Variants in EYS observed in about 807,000 individuals in gnomAD.
EYS encodes the protein protein eyes shut homolog.
A neutral mutation model predicts 282.1 loss-of-function variants in EYS; 250 were observed. The ratio of observed to expected loss-of-function variants is 0.89; its 90% CI spans 0.80 to 0.98. The LOEUF is 0.98. Among genes scored for constraint, EYS ranks in the 50% least tolerant of loss-of-function variants. The probability of loss-of-function intolerance (pLI) is 0.00; values close to 1 mark genes in which losing one functional copy is unlikely to be tolerated. For synonymous variants in EYS, 1,355 were observed against 1,282.9 expected, an observed-to-expected ratio of 1.06 and a Z score of -1.20; for missense variants, 4,016 against 3,709.0, an observed-to-expected ratio of 1.08 and a Z score of -2.15.
intron 31 of EYS, among the ~76,000 whole-genome samples, chr6:64,104,611 TAGTC>T (rs201189077): frequency 0.019 from 2,843 of 152,166 alleles, 78 homozygotes; most frequent in African/African-American, 0.064. Context: ...CTTACTATAG[TAGTC>T]AGTTCAAAGC....
intron 12 of EYS, among the ~76,000 whole-genome samples, chr6:65,208,890 A>C (rs1411523429): frequency 6.6e-6 from 1 of 151,834 alleles, no homozygotes; most frequent in Non-Finnish European, 1.5e-5. Context: ...CCTCACCCTT[A>C]TGCAATACAT....
intron 12 of EYS, among the ~76,000 whole-genome samples, chr6:65,094,745 A>G (rs1206931538): frequency 6.6e-6 from 1 of 151,244 alleles, no homozygotes; most frequent in African/African-American, 2.4e-5. Context: ...AGGGAAGTTT[A>G]TAGTTATAAA....
chr6:65,222,636 G>A (rs1019334168), intron 12 of EYS, among the ~76,000 whole-genome samples: 6 of 152,094 alleles, frequency 3.9e-5, no homozygotes, highest in African/African-American at 7.2e-5. Context: ...AGAATCAAAC[G>A]GAAATATAAC....
At chr6:65,272,880 G>A (rs1767942543) in intron 12 of EYS, among the ~76,000 whole-genome samples, 1 of 152,120 alleles carries the variant, frequency 6.6e-6, no homozygotes, top group African/African-American at 2.4e-5. Flanking sequence ...AGATGAATAA[G>A]ATTAAGATTA....
intron 15 of EYS, among the ~76,000 whole-genome samples, chr6:64,929,910 G>C (rs1276810789): frequency 1.3e-5 from 2 of 152,010 alleles, no homozygotes; most frequent in Non-Finnish European, 2.9e-5. Context: ...TGTGATTTCT[G>C]CATAAGTTAC....
At chr6:65,587,365 AC>A (rs1368588318) in intron 2 of EYS, among the ~76,000 whole-genome samples, 3 of 151,954 alleles carry the variant, frequency 2.0e-5, no homozygotes, top group Non-Finnish European at 4.4e-5. Flanking sequence ...CGTGAGAGGG[AC>A]CCCATGGGAG....
chr6:64,185,118 C>T (rs937326957), intron 31 of EYS, among the ~76,000 whole-genome samples: 1 of 152,106 alleles, frequency 6.6e-6, no homozygotes, highest in Non-Finnish European at 1.5e-5. Flanking sequence ...CTTCACTAGA[C>T]ACCAAATCTG....
At chr6:65,067,631 A>G (rs1036714151) in intron 12 of EYS, among the ~76,000 whole-genome samples, 1 of 152,074 alleles carries the variant, frequency 6.6e-6, no homozygotes, top group Non-Finnish European at 1.5e-5. Context: ...ATAATTAACT[A>G]CTAGGAGGAG....
At chr6:65,384,304 T>C (rs1357333736) in intron 8 of EYS, 82 bp downstream of exon 8, 4 of 774,132 alleles carry the variant, frequency 5.2e-6, no homozygotes, top group Non-Finnish European at 9.1e-6. Flanking sequence ...CTAAGATTAA[T>C]AAGAGCATTT....
At chr6:65,263,703 C>CTGTGTG (rs3042394) in intron 12 of EYS, among the ~76,000 whole-genome samples, 8,296 of 141,328 alleles carry the variant, frequency 0.059, 269 homozygotes, top group Middle Eastern at 0.071. Context: ...CAAGGCAAAG[C>CTGTGTG]TGTGTGTGTG....
intron 12 of EYS, among the ~76,000 whole-genome samples, chr6:65,195,292 T>C (rs1765737470): frequency 6.6e-6 from 1 of 152,078 alleles, no homozygotes; most frequent in Non-Finnish European, 1.5e-5. Context: ...TGTAAGTTAT[T>C]CTTCTGGATA....
At chr6:64,098,243 AATAAG>A (rs1469643027) in intron 31 of EYS, among the ~76,000 whole-genome samples, 6 of 152,194 alleles carry the variant, frequency 3.9e-5, no homozygotes, top group African/African-American at 9.7e-5. Flanking sequence ...TGTACTATAA[AATAAG>A]AAAGACAAAT....
At chr6:65,540,610 A>G (rs1562248463) in intron 2 of EYS, among the ~76,000 whole-genome samples, 1 of 152,196 alleles carries the variant, frequency 6.6e-6, no homozygotes, top group Non-Finnish European at 1.5e-5. Flanking sequence ...GTAGGAAGCA[A>G]TATTCTTTTA....
chr6:65,182,901 AC>A (rs1224553130), intron 12 of EYS, among the ~76,000 whole-genome samples: 1 of 151,620 alleles, frequency 6.6e-6, no homozygotes, highest in Non-Finnish European at 1.5e-5. Context: ...TGATCCTCCC[AC>A]CCCAGCCTCT....
intron 22 of EYS, among the ~76,000 whole-genome samples, chr6:64,706,144 T>C (rs1771005030): frequency 2.0e-5 from 3 of 151,850 alleles, no homozygotes; most frequent in Admixed American, 1.3e-4. Flanking sequence ...TGGAACAGAA[T>C]AGAGAACCCA....
At chr6:65,191,562 A>G (rs1339306549) in intron 12 of EYS, among the ~76,000 whole-genome samples, 1 of 151,882 alleles carries the variant, frequency 6.6e-6, no homozygotes, top group Non-Finnish European at 1.5e-5. Flanking sequence ...ACACACAGAC[A>G]TTTGCAAATT....
At chr6:63,769,191 A>G (rs1028610525) in intron 40 of EYS, among the ~76,000 whole-genome samples, 2 of 152,072 alleles carry the variant, frequency 1.3e-5, no homozygotes, top group African/African-American at 2.4e-5. Context: ...TACGTAACAA[A>G]CCTGCACATG....
intron 12 of EYS, among the ~76,000 whole-genome samples, chr6:65,177,045 G>A (rs373952954): frequency 9.2e-5 from 14 of 151,642 alleles, no homozygotes; most frequent in East Asian, 3.9e-4. Context: ...TTTAAAAAGT[G>A]TCTTAATGCC....
intron 26 of EYS, among the ~76,000 whole-genome samples, chr6:64,540,475 ATTTTTT>A (rs397888030): frequency 1.1e-4 from 9 of 83,492 alleles, no homozygotes; most frequent in African/African-American, 3.1e-4. Context: ...CCAAGTACAG[ATTTTTT>A]TTTTTTTTTT....
Sources: allele counts gnomAD v4.1 joint callset (sites outside exome capture counted in the v4.1 genomes callset), GRCh38; gene constraint gnomAD v4.1.1; transcripts MANE v1.5; gene names NCBI Gene and HGNC (gene_info 2026-07-23, HGNC 2026-07-21).